The following SLC5A4 variants were observed in gnomAD, a reference collection of about 807,000 sequenced individuals.
SLC5A4 encodes the protein probable glucose sensor protein SLC5A4.
SLC5A4 carries 55 observed loss-of-function variants against 70.3 expected under a neutral mutation model. The observed-to-expected ratio is 0.78, with a 90% CI of 0.63 to 0.98. The LOEUF (loss-of-function observed/expected upper bound fraction) is 0.98, where lower values mean the gene tolerates loss of function less well. SLC5A4 is among the 50% of genes least tolerant of loss of function. SLC5A4 has a pLI of 0.00. For missense variants in SLC5A4, 735 were observed against 839.2 expected (o/e 0.88, Z 1.53); for synonymous variants, 268 against 305.7 (o/e 0.88, Z 1.29).
the SLC5A4 span, among the ~76,000 whole-genome samples, chr22:32,293,725 C>T: frequency 6.6e-6 from 1 of 152,060 alleles, no homozygotes; most frequent in Non-Finnish European, 1.5e-5. Context: ...GTATCATCAA[C>T]CTCTGCCTAG....
chr22:32,270,707 T>C, the SLC5A4 span: 1 of 670,212 alleles, frequency 1.5e-6, no homozygotes, highest in East Asian at 2.8e-5. Flanking sequence ...ATGAATCAGT[T>C]GTACTTCATC....
chr22:32,251,757 T>C lies in SLC5A4; in HGVS notation c.312+13A>G, dbSNP rs754068826. 13 of 1,510,750 alleles carry C rather than the reference T, an allele frequency of 8.6e-6. No homozygotes were observed. Among genetic ancestry groups the C allele is most frequent in the Admixed American group, 1.7e-5 (1 of 59,886 alleles). The allele number at this position is 1,510,750 out of a possible 1,614,324, so 93.6% of individuals were successfully genotyped here. ...GTTTTGATTTGAAGGAAAAAGCCTA[T>C]GATGTCACTTACAGTCCATTCAAAT... On this transcript the variant is annotated intron_variant, in intron 3 of 14. Transcript: ENST00000266086.
chr22:32,264,852 A>G, the SLC5A4 span, among the ~76,000 whole-genome samples: 1 of 152,210 alleles, frequency 6.6e-6, no homozygotes, highest in Non-Finnish European at 1.5e-5. Flanking sequence ...TGGCTGATAA[A>G]TGTGTGAACC....
intron 3 of SLC5A4, among the ~76,000 whole-genome samples, chr22:32,250,016 G>A (rs1927050388): frequency 6.6e-6 from 1 of 152,146 alleles, no homozygotes; most frequent in African/African-American, 2.4e-5. Context: ...GGACACCCCT[G>A]TGCTAAAGGA....
chr22:32,255,079 T>A, intron 1 of SLC5A4, 116 bp downstream of exon 1: 1 of 969,090 alleles, frequency 1.0e-6, no homozygotes, highest in Non-Finnish European at 1.6e-6. Flanking sequence ...AGAAAATGAT[T>A]CTGATAACAC....
the SLC5A4 span, among the ~76,000 whole-genome samples, chr22:32,297,340 TG>T: frequency 6.6e-6 from 1 of 151,320 alleles, no homozygotes; most frequent in Non-Finnish European, 1.5e-5. Context: ...CTCCTGTTAT[TG>T]GTCTATTCAG....
At chr22:32,330,827 T>G in the SLC5A4 span, among the ~76,000 whole-genome samples, 112 of 55,792 alleles carry the variant, frequency 2.0e-3, 3 homozygotes, top group Middle Eastern at 0.015. Context: ...GAGGCTCTGG[T>G]GTGTGTGTGT....
the SLC5A4 span, among the ~76,000 whole-genome samples, chr22:32,321,985 A>C: frequency 2.0e-5 from 3 of 152,186 alleles, no homozygotes; most frequent in African/African-American, 7.2e-5. Context: ...CATTGTGCAT[A>C]ATTTGGGCAT....
the SLC5A4 span, among the ~76,000 whole-genome samples, chr22:32,314,177 G>A: frequency 7.2e-5 from 11 of 152,156 alleles, no homozygotes; most frequent in Non-Finnish European, 1.2e-4. Context: ...GAGATTCCGT[G>A]GGGCCATCTC....
At chr22:32,229,079 C>T in intron 11 of SLC5A4, 115 bp downstream of exon 11, 1 of 946,032 alleles carries the variant, frequency 1.1e-6, no homozygotes, top group Admixed American at 2.4e-5. Context: ...ATGTCTCTTC[C>T]CTCTACCCAG....
rs1926775071 is a variant in SLC5A4 at position 32,245,628 on chromosome 22, C to T, written c.477+1783G>A. 2.0e-5 allele frequency among the ~76,000 whole-genome samples: 3 copies of T among 152,178 alleles called. No individual in the cohort carries two copies. In the South Asian group the frequency reaches 6.2e-4, roughly 32 times the overall value. The stretch of plus-strand genomic sequence containing the variant: ...CTCTGCCTCCCGGGTTCAAGCAATT[C>T]TCCTGCCTCAGCCTCCTGAGTAGCT... On this transcript the variant is annotated intron_variant, in intron 5 of 14. Transcript: ENST00000266086.
chr22:32,315,570 ATAT>A, the SLC5A4 span, among the ~76,000 whole-genome samples: 1 of 152,178 alleles, frequency 6.6e-6, no homozygotes, highest in Admixed American at 6.5e-5. Flanking sequence ...ATATCATGTC[ATAT>A]TATAATTATG....
the SLC5A4 span, among the ~76,000 whole-genome samples, chr22:32,344,231 T>A: frequency 6.6e-6 from 1 of 152,292 alleles, no homozygotes; most frequent in East Asian, 1.9e-4. Context: ...AAAGAGACCT[T>A]TCTGAGCCAC....
chr22:32,347,420 G>A, the SLC5A4 span, among the ~76,000 whole-genome samples: 1 of 152,048 alleles, frequency 6.6e-6, no homozygotes, highest in East Asian at 1.9e-4. Flanking sequence ...GTTTATTGTG[G>A]CACTATTAAC....
At chr22:32,333,987 CACAG>C in the SLC5A4 span, among the ~76,000 whole-genome samples, 18,270 of 150,944 alleles carry the variant, frequency 0.12, 1,575 homozygotes, top group East Asian at 0.5. Context: ...CACCATGCAA[CACAG>C]ACACACTACA....
the SLC5A4 span, among the ~76,000 whole-genome samples, chr22:32,325,073 C>T: frequency 2.5e-4 from 38 of 152,228 alleles, 1 homozygote; most frequent in East Asian, 7.7e-4. Context: ...CTCTGCAGGT[C>T]GCCTTGCCCC....
At chr22:32,277,731 G>A in the SLC5A4 span, among the ~76,000 whole-genome samples, 1 of 152,040 alleles carries the variant, frequency 6.6e-6, no homozygotes, top group Non-Finnish European at 1.5e-5. Flanking sequence ...GTATTTTTTA[G>A]TAGAGATGGC....
At chr22:32,319,696 A>T in the SLC5A4 span, among the ~76,000 whole-genome samples, 1 of 152,240 alleles carries the variant, frequency 6.6e-6, no homozygotes, top group Non-Finnish European at 1.5e-5. Context: ...CCCAAGGCTG[A>T]ATCCCTGATC....
intron 5 of SLC5A4, 91 bp from the exon 6 acceptor site, chr22:32,239,181 T>C (rs1258939123): frequency 2.3e-6 from 2 of 873,976 alleles, no homozygotes; most frequent in East Asian, 2.6e-5. Context: ...AACCCTTCTT[T>C]TTCTGATAGA....
Sources: allele counts gnomAD v4.1 joint callset (sites outside exome capture counted in the v4.1 genomes callset), GRCh38; gene constraint gnomAD v4.1.1; transcripts MANE v1.5; gene names NCBI Gene and HGNC (gene_info 2026-07-23, HGNC 2026-07-21).